Variants in BICRAL observed in about 807,000 individuals in gnomAD.
BICRAL encodes BRD4-interacting chromatin-remodeling complex-associated protein-like.
A neutral mutation model predicts 91.8 loss-of-function variants in BICRAL; 8 were observed. The ratio of observed to expected loss-of-function variants is 0.09; its 90% CI spans 0.05 to 0.16. The LOEUF (loss-of-function observed/expected upper bound fraction) is 0.16. Ranked by LOEUF, BICRAL falls within the 10% of genes least tolerant of loss-of-function variation. BICRAL has a pLI of 1.00. For missense variants in BICRAL, 1,038 were observed against 1,310.9 expected (o/e 0.79, Z 3.21); for synonymous variants, 445 against 491.1 (o/e 0.91, Z 1.24).
chr6:42,832,670 T>C (rs1764523868), intron 6 of BICRAL, among the ~76,000 whole-genome samples: 1 of 151,392 alleles, frequency 6.6e-6, no homozygotes, highest in African/African-American at 2.4e-5. Context: ...AGAATTGTCA[T>C]ATACCCTTCA....
intron 1 of BICRAL, among the ~76,000 whole-genome samples, chr6:42,758,440 C>T (rs371305443): frequency 3.3e-5 from 5 of 152,328 alleles, no homozygotes; most frequent in African/African-American, 1.2e-4. Context: ...TGTCACCCAG[C>T]ACACTGTGTC....
intron 6 of BICRAL, among the ~76,000 whole-genome samples, chr6:42,848,134 G>GA (rs988718618): frequency 6.7e-4 from 91 of 134,836 alleles, no homozygotes; most frequent in African/African-American, 1.6e-3. Flanking sequence ...GTCTCAAAAA[G>GA]AAAAAAAAAA....
At chr6:42,857,614 A>AAAAAAATATATATAT in intron 10 of BICRAL, among the ~76,000 whole-genome samples, 2 of 96,242 alleles carry the variant, frequency 2.1e-5, no homozygotes, top group African/African-American at 1.3e-4. Context: ...AAAAAAAAAA[A>AAAAAAATATATATAT]ATATATATAT....
intron 2 of BICRAL, among the ~76,000 whole-genome samples, chr6:42,815,453 A>T (rs1274882644): frequency 6.6e-6 from 1 of 151,860 alleles, no homozygotes; most frequent in Non-Finnish European, 1.5e-5. Flanking sequence ...CGGCCTCCCA[A>T]ATTGTTGGGA....
chr6:42,764,704 G>A (rs780706396), intron 1 of BICRAL, among the ~76,000 whole-genome samples: 32 of 152,104 alleles, frequency 2.1e-4, no homozygotes, highest in Non-Finnish European at 4.1e-4. Flanking sequence ...TGTCACCCAG[G>A]CTGGAATGCA....
At chr6:42,809,482 A>G (rs1418031444) in intron 1 of BICRAL, among the ~76,000 whole-genome samples, 1 of 127,132 alleles carries the variant, frequency 7.9e-6, no homozygotes, top group African/African-American at 3.1e-5. Context: ...TGTTGCCCGG[A>G]CTAGAGTGCA....
intron 1 of BICRAL, among the ~76,000 whole-genome samples, chr6:42,782,888 C>G (rs952864363): frequency 6.8e-6 from 1 of 146,162 alleles, no homozygotes; most frequent in Non-Finnish European, 1.5e-5. Context: ...CCTCTGTTTT[C>G]CCCCCCTCGT....
chr6:42,856,981 A>T (rs1396950262), intron 9 of BICRAL, 110 bp from the exon 10 acceptor site: 18 of 893,388 alleles, frequency 2.0e-5, no homozygotes, highest in Non-Finnish European at 2.5e-5. Context: ...AAACTAAAAA[A>T]CTGCCGTATT....
At chr6:42,817,903 G>C (rs774225661) in intron 2 of BICRAL, among the ~76,000 whole-genome samples, 1 of 149,434 alleles carries the variant, frequency 6.7e-6, no homozygotes, top group Non-Finnish European at 1.5e-5. Context: ...TACTTAGGGG[G>C]TTAAGGATCT....
chr6:42,793,174 C>G (rs1462474728), intron 1 of BICRAL, among the ~76,000 whole-genome samples: 1 of 80,492 alleles, frequency 1.2e-5, no homozygotes. Flanking sequence ...GACAGAGTCT[C>G]GCTCTGTTAC....
intron 10 of BICRAL, among the ~76,000 whole-genome samples, chr6:42,857,999 TG>T (rs1272036075): frequency 4.0e-5 from 6 of 149,452 alleles, no homozygotes; most frequent in African/African-American, 1.5e-4. Context: ...TTAGTAGAGA[TG>T]GGGTTTCACC....
chr6:42,845,195 G>GTTTTTTTTTTTTTTT (rs748804344), intron 6 of BICRAL, among the ~76,000 whole-genome samples: 1 of 25,612 alleles, frequency 3.9e-5, no homozygotes. Context: ...TTTTTTGGGT[G>GTTTTTTTTTTTTTTT]TTTTTTTTTT....
intron 7 of BICRAL, among the ~76,000 whole-genome samples, chr6:42,852,942 A>G (rs752676360): frequency 1.3e-5 from 2 of 149,382 alleles, no homozygotes; most frequent in Non-Finnish European, 3.0e-5. Context: ...CTAGCTGGGC[A>G]TTGTCCTAGC....
chr6:42,780,770 C>A (rs974711661), upstream of BICRAL, among the ~76,000 whole-genome samples: 1 of 145,908 alleles, frequency 6.9e-6, no homozygotes, highest in Non-Finnish European at 1.5e-5. Flanking sequence ...TTGAGTCTTG[C>A]TGTGTCGCCC....
chr6:42,799,874 T>C (rs752569786), intron 1 of BICRAL, among the ~76,000 whole-genome samples: 7 of 151,318 alleles, frequency 4.6e-5, no homozygotes, highest in Non-Finnish European at 8.8e-5. Flanking sequence ...CTTAAATATT[T>C]ATTTATTTAT....
Position 42,864,704 on chromosome 6 carries a change from C to G in BICRAL, c.2498C>G (p.Ala833Gly). The part of the protein sequence containing the change: ...DFCCSFKLDK[A>G]AHETQFGRSD... ...TGTTGTTCCTTCAAACTTGATAAAG[C>G]TGCTCATGAGACACAGTTTGGCCGG... Residue 833 changes from alanine (A) to glycine (G), a missense_variant, in exon 13 of 13, where the codon GCT becomes GGT. By Grantham distance (60) the Ala-to-Gly change is moderately conservative. Transcript: ENST00000314073. 6.2e-7 allele frequency: 1 copy of G among 1,614,016 alleles called. No individual in the cohort carries two copies. Among genetic ancestry groups the G allele is most frequent in the Non-Finnish European group, 8.5e-7 (1 of 1,179,972 alleles).
At chr6:42,791,265 A>G (rs1763265275) in intron 1 of BICRAL, among the ~76,000 whole-genome samples, 1 of 152,198 alleles carries the variant, frequency 6.6e-6, no homozygotes, top group Non-Finnish European at 1.5e-5. Flanking sequence ...ACTTTAATCT[A>G]TAAAGTTACG....
intron 1 of BICRAL, among the ~76,000 whole-genome samples, chr6:42,775,936 C>T (rs1315258225): frequency 6.6e-6 from 1 of 152,184 alleles, no homozygotes; most frequent in African/African-American, 2.4e-5. Context: ...TTCCACGGTA[C>T]TTTTAATAAC....
intron 2 of BICRAL, among the ~76,000 whole-genome samples, chr6:42,819,925 T>C (rs1582843613): frequency 6.6e-6 from 1 of 152,208 alleles, no homozygotes; most frequent in Non-Finnish European, 1.5e-5. Flanking sequence ...CCAGGGAGCC[T>C]TCTTTCAAGC....
Sources: gnomAD v4.1 joint callset for allele counts (sites outside exome capture counted in the v4.1 genomes callset) on GRCh38, gnomAD v4.1.1 for gene constraint, MANE v1.5 for transcripts, NCBI Gene and HGNC (gene_info 2026-07-23, HGNC 2026-07-21) for gene names.